The following FHIT variants were observed in gnomAD, a reference collection of about 807,000 sequenced individuals.
FHIT encodes fragile histidine triad diadenosine triphosphatase.
In FHIT, 19 loss-of-function variants were observed where a neutral mutation model predicts 17.9. The ratio of observed to expected loss-of-function variants is 1.06; its 90% CI spans 0.74 to 1.56. The LOEUF is 1.56. Ranked by LOEUF, FHIT falls within the 40% of genes most tolerant of loss-of-function variation. The pLI is 0.00. For missense variants in FHIT, 248 were observed against 189.2 expected (o/e 1.31, Z -1.82); for synonymous variants, 81 against 69.7 (o/e 1.16, Z -0.81).
chr3:60,780,137 C>T (rs942561158), intron 4 of FHIT, among the ~76,000 whole-genome samples: 10 of 152,292 alleles, frequency 6.6e-5, no homozygotes, highest in Non-Finnish European at 1.3e-4. Flanking sequence ...ATGCCTGCTC[C>T]CCTCTTTCTA....
intron 4 of FHIT, among the ~76,000 whole-genome samples, chr3:60,818,579 A>T (rs189529690): frequency 6.6e-6 from 1 of 152,262 alleles, no homozygotes; most frequent in Admixed American, 6.5e-5. Context: ...TTCATCTACA[A>T]TTCCTACTTC....
At chr3:59,769,307 C>T (rs576646169) in intron 8 of FHIT, among the ~76,000 whole-genome samples, 36 of 152,282 alleles carry the variant, frequency 2.4e-4, no homozygotes, top group African/African-American at 8.7e-4. Flanking sequence ...ATCTGCCAAG[C>T]AGTGAGAACC....
chr3:60,627,966 T>A (rs1201481490), intron 4 of FHIT, among the ~76,000 whole-genome samples: 3 of 152,244 alleles, frequency 2.0e-5, no homozygotes, highest in African/African-American at 4.8e-5. Flanking sequence ...CTCTATTTCA[T>A]TAATTTCTGT....
chr3:60,229,684 G>C (rs1704396995), intron 5 of FHIT, among the ~76,000 whole-genome samples: 2 of 152,146 alleles, frequency 1.3e-5, no homozygotes, highest in Admixed American at 1.3e-4. Flanking sequence ...GAGTTTCTAA[G>C]AAAATAATTA....
chr3:61,065,750 C>T (rs7610478), intron 2 of FHIT, among the ~76,000 whole-genome samples: 82,719 of 148,488 alleles, frequency 0.56, 23,733 homozygotes, highest in Non-Finnish European at 0.65. Context: ...TACCTCCCAC[C>T]TCAAAAAAAA....
intron 4 of FHIT, among the ~76,000 whole-genome samples, chr3:60,579,105 C>T (rs1249594207): frequency 4.6e-5 from 7 of 152,142 alleles, no homozygotes; most frequent in African/African-American, 1.7e-4. Context: ...CCTGTACAGT[C>T]ATGCATTGCT....
chr3:60,108,767 G>C (rs1237054041), intron 5 of FHIT, among the ~76,000 whole-genome samples: 1 of 151,472 alleles, frequency 6.6e-6, no homozygotes, highest in East Asian at 1.9e-4. Flanking sequence ...GGGTTCAAGT[G>C]ATTCTCCTAC....
intron 4 of FHIT, among the ~76,000 whole-genome samples, chr3:60,776,313 G>A (rs1413585855): frequency 1.3e-5 from 2 of 152,146 alleles, no homozygotes; most frequent in African/African-American, 4.8e-5. Context: ...TGTACGTAAT[G>A]TTTGTCAAGA....
At chr3:60,990,589 T>C (rs2030110321) in intron 3 of FHIT, among the ~76,000 whole-genome samples, 1 of 152,226 alleles carries the variant, frequency 6.6e-6, no homozygotes, top group African/African-American at 2.4e-5. Flanking sequence ...AGTATTTTTA[T>C]AATAAGCAAT....
chr3:61,115,167 G>C (rs1204085819), intron 2 of FHIT, among the ~76,000 whole-genome samples: 1 of 152,134 alleles, frequency 6.6e-6, no homozygotes, highest in African/African-American at 2.4e-5. Context: ...GGAATCCACA[G>C]CCTAGTGAAA....
intron 5 of FHIT, among the ~76,000 whole-genome samples, chr3:60,372,723 A>G (rs963204632): frequency 3.3e-5 from 5 of 152,144 alleles, no homozygotes; most frequent in East Asian, 1.9e-4. Context: ...TCCATTCTCA[A>G]TTTGCTTTAG....
chr3:60,808,627 G>C (rs574263759), intron 4 of FHIT, among the ~76,000 whole-genome samples: 2 of 152,330 alleles, frequency 1.3e-5, no homozygotes, highest in South Asian at 4.1e-4. Flanking sequence ...AGCAGAGGAG[G>C]TTTCCTTTAC....
intron 7 of FHIT, among the ~76,000 whole-genome samples, chr3:59,949,781 T>C (rs1005149620): frequency 1.1e-4 from 16 of 152,372 alleles, no homozygotes; most frequent in African/African-American, 3.8e-4. Flanking sequence ...TCATATTCAA[T>C]ACACAGGCAA....
intron 7 of FHIT, among the ~76,000 whole-genome samples, chr3:59,925,281 T>C (rs1705601254): frequency 1.3e-5 from 2 of 152,106 alleles, no homozygotes; most frequent in South Asian, 4.2e-4. Context: ...CTTTTTTTCA[T>C]ATTTTTAGCA....
chr3:61,087,337 G>A (rs1391629032), intron 2 of FHIT, among the ~76,000 whole-genome samples: 2 of 152,040 alleles, frequency 1.3e-5, no homozygotes, highest in Admixed American at 1.3e-4. Flanking sequence ...GACCACTTTT[G>A]TATATTATTA....
intron 3 of FHIT, among the ~76,000 whole-genome samples, chr3:60,950,569 T>C (rs1046111558): frequency 6.6e-6 from 1 of 151,752 alleles, no homozygotes; most frequent in African/African-American, 2.4e-5. Flanking sequence ...CAGGCTGGAC[T>C]GCAGTGGCAC....
intron 4 of FHIT, among the ~76,000 whole-genome samples, chr3:60,712,332 G>T (rs577206988): frequency 6.6e-6 from 1 of 152,164 alleles, no homozygotes; most frequent in African/African-American, 2.4e-5. Context: ...ATGCCAAAAT[G>T]TAAAGACCAT....
At chr3:59,778,648 T>C (rs1702437822) in intron 8 of FHIT, among the ~76,000 whole-genome samples, 1 of 152,128 alleles carries the variant, frequency 6.6e-6, no homozygotes, top group Non-Finnish European at 1.5e-5. Flanking sequence ...AAGCAGCAGG[T>C]CCAACTTGGC....
At chr3:60,610,554 G>C (rs1450181655) in intron 4 of FHIT, among the ~76,000 whole-genome samples, 5 of 152,126 alleles carry the variant, frequency 3.3e-5, no homozygotes, top group Non-Finnish European at 5.9e-5. Flanking sequence ...GTAAGTATTT[G>C]AACAACTTGA....
Sources: gnomAD v4.1 joint callset for allele counts (sites outside exome capture counted in the v4.1 genomes callset) on GRCh38, gnomAD v4.1.1 for gene constraint, MANE v1.5 for transcripts, NCBI Gene and HGNC (gene_info 2026-07-23, HGNC 2026-07-21) for gene names.